ACTR3C: variants seen among roughly 807,000 people sequenced by gnomAD.
The protein encoded by ACTR3C is actin-related protein 3C.
In ACTR3C, 18 loss-of-function variants were observed where a neutral mutation model predicts 26.3. The observed-to-expected ratio is 0.68, with a 90% CI of 0.47 to 1.01. ACTR3C has a LOEUF of 1.01. ACTR3C is among the 50% of genes least tolerant of loss of function. The probability of loss-of-function intolerance (pLI) is 0.00; values close to 1 mark genes in which losing one functional copy is unlikely to be tolerated. For synonymous variants in ACTR3C, 55 were observed against 94.5 expected (o/e 0.58, Z 2.42); for missense variants, 184 against 250.7 (o/e 0.73, Z 1.80).
the ACTR3C span, among the ~76,000 whole-genome samples, chr7:149,906,412 C>CTTTTTTT: frequency 8.3e-5 from 6 of 72,100 alleles, no homozygotes; most frequent in African/African-American, 1.5e-4. Flanking sequence ...GGGTTTGTTT[C>CTTTTTTT]TTTTTTTTTT....
the ACTR3C span, among the ~76,000 whole-genome samples, chr7:150,199,309 C>CA: frequency 7.9e-6 from 1 of 126,066 alleles, no homozygotes; most frequent in African/African-American, 3.6e-5. Context: ...ACCTTACCCC[C>CA]AACCCTGTGC....
At chr7:150,105,898 G>A in the ACTR3C span, among the ~76,000 whole-genome samples, 10 of 152,060 alleles carry the variant, frequency 6.6e-5, no homozygotes, top group Non-Finnish European at 1.2e-4. Flanking sequence ...GGCACTACAA[G>A]AGTGAAACTT....
At chr7:149,949,393 G>GGGAA in the ACTR3C span, among the ~76,000 whole-genome samples, 1,828 of 133,890 alleles carry the variant, frequency 0.014, 118 homozygotes, top group African/African-American at 0.035. Flanking sequence ...GAAGGAAGGA[G>GGGAA]GGAAGGAAGG....
chr7:149,929,224 C>G, the ACTR3C span, among the ~76,000 whole-genome samples: 66,638 of 151,496 alleles, frequency 0.44, 15,755 homozygotes, highest in Non-Finnish European at 0.53. Context: ...GATCAGGATT[C>G]AAGACCAGCT....
At chr7:150,089,376 A>C in the ACTR3C span, among the ~76,000 whole-genome samples, 1 of 152,226 alleles carries the variant, frequency 6.6e-6, no homozygotes, top group Non-Finnish European at 1.5e-5. Flanking sequence ...GGCTCCATGC[A>C]ATCATTTTTC....
At chr7:150,042,514 C>A in the ACTR3C span, among the ~76,000 whole-genome samples, 2,054 of 138,976 alleles carry the variant, frequency 0.015, 38 homozygotes, top group African/African-American at 0.047. Flanking sequence ...TGCCTCGCCC[C>A]CTGCGATAGT....
At chr7:149,991,104 AAGG>A in the ACTR3C span, among the ~76,000 whole-genome samples, 1 of 152,214 alleles carries the variant, frequency 6.6e-6, no homozygotes, top group East Asian at 1.9e-4. Context: ...GCAGAAGGCA[AAGG>A]AGAAGTAAAG....
the ACTR3C span, among the ~76,000 whole-genome samples, chr7:149,940,136 T>C: frequency 6.6e-6 from 1 of 151,198 alleles, no homozygotes. Flanking sequence ...GTTATCTATC[T>C]ACCTACCTAC....
chr7:150,226,180 G>T, the ACTR3C span, among the ~76,000 whole-genome samples: 1 of 152,168 alleles, frequency 6.6e-6, no homozygotes. Flanking sequence ...TTTTTGTGTG[G>T]ATGTAAGGTT....
the ACTR3C span, among the ~76,000 whole-genome samples, chr7:150,162,536 C>T: frequency 3.9e-5 from 6 of 152,066 alleles, no homozygotes; most frequent in East Asian, 3.9e-4. Flanking sequence ...AGGCTGGTCT[C>T]GAACTCTTGA....
At chr7:150,146,196 C>T in the ACTR3C span, among the ~76,000 whole-genome samples, 1 of 150,764 alleles carries the variant, frequency 6.6e-6, no homozygotes, top group Non-Finnish European at 1.5e-5. Context: ...TCCTCATCAC[C>T]ACCGTCACTA....
chr7:150,257,510 A>G (rs989149345), intron 6 of ACTR3C, among the ~76,000 whole-genome samples: 2 of 152,218 alleles, frequency 1.3e-5, no homozygotes, highest in African/African-American at 2.4e-5. Context: ...CCCAGTTTGG[A>G]ACATGCTGGC....
the ACTR3C span, among the ~76,000 whole-genome samples, chr7:149,910,473 T>C: frequency 6.6e-6 from 1 of 151,830 alleles, no homozygotes; most frequent in East Asian, 1.9e-4. Flanking sequence ...GGGGGGGTGG[T>C]GGGAAAAAAA....
the ACTR3C span, among the ~76,000 whole-genome samples, chr7:150,235,654 G>A: frequency 0.16 from 23,703 of 152,136 alleles, 2,822 homozygotes; most frequent in African/African-American, 0.32. Flanking sequence ...GCCTCACGTC[G>A]TTGGGTTCAT....
At chr7:150,318,500 A>T (rs895106869) in intron 1 of ACTR3C, among the ~76,000 whole-genome samples, 5 of 152,238 alleles carry the variant, frequency 3.3e-5, no homozygotes, top group African/African-American at 1.2e-4. Context: ...GCGGTGGCTC[A>T]CGCCTGTAAT....
chr7:150,042,757 T>A, the ACTR3C span, among the ~76,000 whole-genome samples: 5 of 151,566 alleles, frequency 3.3e-5, no homozygotes, highest in Non-Finnish European at 7.4e-5. Flanking sequence ...GGGCCATCCT[T>A]TAGAAACCTG....
chr7:150,163,048 G>T, the ACTR3C span, among the ~76,000 whole-genome samples: 1 of 152,024 alleles, frequency 6.6e-6, no homozygotes, highest in African/African-American at 2.4e-5. Context: ...CAGCTACTCG[G>T]GAGGCTGAGG....
At chr7:150,305,454 T>C (rs997585323) in intron 1 of ACTR3C, among the ~76,000 whole-genome samples, 18 of 152,038 alleles carry the variant, frequency 1.2e-4, no homozygotes, top group Admixed American at 5.2e-4. Flanking sequence ...TGGCTCTCAC[T>C]GTCTACACTG....
At chr7:149,931,026 T>C in the ACTR3C span, among the ~76,000 whole-genome samples, 2 of 152,190 alleles carry the variant, frequency 1.3e-5, no homozygotes, top group African/African-American at 2.4e-5. Context: ...CCACCATGCC[T>C]GGCTAATTTT....
Sources: allele counts gnomAD v4.1 joint callset (sites outside exome capture counted in the v4.1 genomes callset), GRCh38; gene constraint gnomAD v4.1.1; transcripts MANE v1.5; gene names NCBI Gene and HGNC (gene_info 2026-07-23, HGNC 2026-07-21).